The following TMEM71 variants were observed in gnomAD, a reference collection of about 807,000 sequenced individuals.
TMEM71 encodes transmembrane protein 71.
A neutral mutation model predicts 38.0 loss-of-function variants in TMEM71; 44 were observed. The observed-to-expected ratio is 1.16, with a 90% CI of 0.91 to 1.49. TMEM71 has a LOEUF of 1.49. Ranked by LOEUF, TMEM71 falls within the 40% of genes most tolerant of loss-of-function variation. The probability of loss-of-function intolerance (pLI) is 0.00; values close to 1 mark genes in which losing one functional copy is unlikely to be tolerated. For synonymous variants in TMEM71, 133 were observed against 122.5 expected (o/e 1.09, Z -0.56); for missense variants, 367 against 348.6 (o/e 1.05, Z -0.42).
At chr8:132,775,181 T>C in the TMEM71 span, among the ~76,000 whole-genome samples, 4 of 151,814 alleles carry the variant, frequency 2.6e-5, no homozygotes, top group African/African-American at 9.7e-5. Flanking sequence ...CAACTACCAA[T>C]AGGCACCAAG....
At chr8:132,719,743 G>A (rs1826737174) in intron 7 of TMEM71, among the ~76,000 whole-genome samples, 2 of 152,132 alleles carry the variant, frequency 1.3e-5, no homozygotes, top group South Asian at 4.1e-4. Context: ...AGGACAGAGG[G>A]TTCTCATGTG....
chr8:132,763,187 C>T (rs914189067), upstream of TMEM71, among the ~76,000 whole-genome samples: 5 of 152,202 alleles, frequency 3.3e-5, no homozygotes, highest in African/African-American at 2.4e-5. Flanking sequence ...CTAGTCTCTT[C>T]CTGCTTTATT....
chr8:132,718,597 C>T (rs1826669407), intron 7 of TMEM71, among the ~76,000 whole-genome samples: 1 of 152,002 alleles, frequency 6.6e-6, no homozygotes, highest in African/African-American at 2.4e-5. Context: ...CGGGGTTTCA[C>T]CGTGTTAGCC....
At chr8:132,769,904 G>A in the TMEM71 span, among the ~76,000 whole-genome samples, 1 of 152,236 alleles carries the variant, frequency 6.6e-6, no homozygotes, top group Non-Finnish European at 1.5e-5. Context: ...TTGCATGCAT[G>A]CATGTATGTT....
chr8:132,739,060 A>T (rs981170866), intron 5 of TMEM71, among the ~76,000 whole-genome samples: 94 of 151,710 alleles, frequency 6.2e-4, no homozygotes, highest in East Asian at 3.9e-4. Flanking sequence ...ACTGAAAATT[A>T]AAAAAAAATG....
In TMEM71 at chr8:132,739,304, CTGTTTT is replaced by C. The variant is rs759756164; in HGVS notation, c.487+7632_487+7637del. On this transcript the variant is annotated intron_variant, in intron 5 of 9. Coordinates refer to ENST00000677595, the MANE Select transcript of TMEM71 (RefSeq NM_001382403.1). ...AGACCTCGGTTGAATTCCAACTCTG[CTGTTTT>C]TGTTTTTGTTTTTGTTTTTGAGATG... 5.9e-5 allele frequency among the ~76,000 whole-genome samples: 9 copies of C among 152,138 alleles called. No homozygotes were observed. The South Asian group carries it at 6.2e-4, about 11-fold the overall frequency.
At chr8:132,712,333 A>G (rs1389863829) in intron 9 of TMEM71, among the ~76,000 whole-genome samples, 1 of 152,194 alleles carries the variant, frequency 6.6e-6, no homozygotes, top group Non-Finnish European at 1.5e-5. Context: ...TGTTCAGGAT[A>G]GAAATATTGT....
the TMEM71 span, among the ~76,000 whole-genome samples, chr8:132,775,860 CT>C: frequency 6.6e-6 from 1 of 152,150 alleles, no homozygotes; most frequent in African/African-American, 2.4e-5. Context: ...CTGGAGGCTT[CT>C]CCAGCTCCCT....
intron 7 of TMEM71, among the ~76,000 whole-genome samples, chr8:132,721,417 A>G (rs545384572): frequency 5.1e-4 from 78 of 152,300 alleles, no homozygotes; most frequent in Non-Finnish European, 7.1e-4. Context: ...AACTCCAGCT[A>G]TACTTAGAGT....
intron 5 of TMEM71, among the ~76,000 whole-genome samples, chr8:132,745,322 T>C (rs1230648434): frequency 1.3e-5 from 2 of 151,916 alleles, no homozygotes; most frequent in East Asian, 1.9e-4. Flanking sequence ...GTTTAAACAA[T>C]TGAATAAGCA....
At chr8:132,747,193 C>T in intron 4 of TMEM71, 79 bp from the exon 5 acceptor site, 4 of 1,272,658 alleles carry the variant, frequency 3.1e-6, no homozygotes, top group Non-Finnish European at 4.2e-6. Flanking sequence ...GCGCAGAGTA[C>T]ATTTCTACAA....
intron 3 of TMEM71, among the ~76,000 whole-genome samples, chr8:132,754,470 C>T (rs1377385093): frequency 6.6e-6 from 1 of 152,144 alleles, no homozygotes; most frequent in Non-Finnish European, 1.5e-5. Context: ...CTGGCTCTAC[C>T]TCTTGCTAAT....
intron 4 of TMEM71, among the ~76,000 whole-genome samples, chr8:132,750,951 CA>C (rs1268167147): frequency 1.3e-5 from 2 of 152,148 alleles, no homozygotes; most frequent in Admixed American, 6.5e-5. Flanking sequence ...ACTGTTTCAT[CA>C]TTGCTATCAC....
chr8:132,733,622 T>C (rs886315469), intron 5 of TMEM71, among the ~76,000 whole-genome samples: 10 of 152,166 alleles, frequency 6.6e-5, no homozygotes, highest in African/African-American at 2.4e-4. Context: ...TCCCTGCTGG[T>C]TGCCATAGAG....
chr8:132,723,107 C>G (rs1042067366), intron 6 of TMEM71, among the ~76,000 whole-genome samples: 6 of 152,320 alleles, frequency 3.9e-5, no homozygotes, highest in Middle Eastern at 3.4e-3. Flanking sequence ...ACAAAACCTA[C>G]TTAGCCCATA....
upstream of TMEM71, among the ~76,000 whole-genome samples, chr8:132,762,710 G>A (rs1052900285): frequency 3.1e-4 from 47 of 152,128 alleles, no homozygotes; most frequent in Admixed American, 1.2e-3. Flanking sequence ...TAGCCAGTAC[G>A]TGATGAGTAA....
At chr8:132,752,135 T>A in intron 3 of TMEM71, 138 bp from the exon 4 acceptor site, 2 of 710,126 alleles carry the variant, frequency 2.8e-6, no homozygotes, top group Non-Finnish European at 4.8e-6. Context: ...ATTAGGAATG[T>A]CACTCTTAAT....
At chr8:132,741,331 C>T (rs897623614) in intron 5 of TMEM71, among the ~76,000 whole-genome samples, 6 of 152,104 alleles carry the variant, frequency 3.9e-5, no homozygotes, top group African/African-American at 1.4e-4. Context: ...CCCACAGGGT[C>T]GGTGGGTCTC....
At chr8:132,727,031 AT>A (rs781646061) in intron 6 of TMEM71, among the ~76,000 whole-genome samples, 12 of 149,038 alleles carry the variant, frequency 8.1e-5, no homozygotes, top group Non-Finnish European at 1.6e-4. Flanking sequence ...TAATTTTTCT[AT>A]TTTTAGTAGA....
Sources: allele counts gnomAD v4.1 joint callset (sites outside exome capture counted in the v4.1 genomes callset), GRCh38; gene constraint gnomAD v4.1.1; transcripts MANE v1.5; gene names NCBI Gene and HGNC (gene_info 2026-07-23, HGNC 2026-07-21).